STXBP5L: variants seen among roughly 807,000 people sequenced by gnomAD.
STXBP5L encodes the protein syntaxin binding protein 5L.
A neutral mutation model predicts 144.5 loss-of-function variants in STXBP5L; 65 were observed. The ratio of observed to expected loss-of-function variants is 0.45; its 90% confidence interval spans 0.37 to 0.55. The LOEUF (loss-of-function observed/expected upper bound fraction) is 0.55, where lower values mean the gene tolerates loss of function less well. STXBP5L is among the 20% of genes least tolerant of loss of function. STXBP5L has a pLI of 0.00. For synonymous variants in STXBP5L, 505 were observed against 469.6 expected (o/e 1.08, Z -0.97); for missense variants, 1,298 against 1,405.5 (o/e 0.92, Z 1.22).
chr3:121,416,494 T>C (rs1330600326), intron 25 of STXBP5L, among the ~76,000 whole-genome samples: 1 of 145,410 alleles, frequency 6.9e-6, no homozygotes, highest in African/African-American at 2.5e-5. Flanking sequence ...TTTATTTATT[T>C]ATTTATTTAT....
At chr3:120,971,835 T>A (rs1344813775) in intron 3 of STXBP5L, among the ~76,000 whole-genome samples, 1 of 151,692 alleles carries the variant, frequency 6.6e-6, no homozygotes, top group African/African-American at 2.4e-5. Context: ...AATACTGGTA[T>A]AATATACTAT....
At chr3:121,008,148 C>G (rs1329422989) in intron 3 of STXBP5L, among the ~76,000 whole-genome samples, 15 of 151,888 alleles carry the variant, frequency 9.9e-5, no homozygotes, top group Non-Finnish European at 1.8e-4. Flanking sequence ...TGTGCTTTCT[C>G]CATTTGCTTA....
intron 5 of STXBP5L, among the ~76,000 whole-genome samples, chr3:121,096,333 C>G (rs560670537): frequency 4.6e-5 from 7 of 152,112 alleles, no homozygotes; most frequent in African/African-American, 1.7e-4. Context: ...TTGTTGTTAC[C>G]CACTTTCTGA....
intron 3 of STXBP5L, among the ~76,000 whole-genome samples, chr3:121,030,518 G>C (rs916019263): frequency 2.6e-5 from 4 of 152,022 alleles, no homozygotes; most frequent in Non-Finnish European, 5.9e-5. Context: ...ATCACACACC[G>C]GGGCATGTTG....
At position 121,123,170 on chromosome 3, in the gene STXBP5L, G is replaced by C. The variant is rs538298948; in HGVS notation, c.669+1466G>C. The stretch of plus-strand genomic sequence containing the variant: ...TTTGTCAACATCATACCGACAAAAT[G>C]TTAAACACTAAAAATATTAATTTTA... On this transcript the variant is annotated intron_variant, in intron 7 of 26. Transcript: ENST00000471454. Among the ~76,000 whole-genome samples, 108 of 151,602 alleles carry C rather than the reference G, an allele frequency of 7.1e-4. No homozygotes were observed. The Middle Eastern group carries it at 0.01, about 14-fold the overall frequency.
intron 3 of STXBP5L, among the ~76,000 whole-genome samples, chr3:120,974,314 G>T (rs1194082273): frequency 6.6e-6 from 1 of 152,062 alleles, no homozygotes. Context: ...ACTTTTTCAT[G>T]TGTCTTTTGG....
At chr3:120,918,648 A>T (rs532070531) in intron 2 of STXBP5L, among the ~76,000 whole-genome samples, 4 of 152,294 alleles carry the variant, frequency 2.6e-5, no homozygotes, top group South Asian at 4.1e-4. Context: ...AAGAAAATTA[A>T]CATTTCTTTA....
At chr3:121,068,893 T>C (rs891635627) in intron 5 of STXBP5L, among the ~76,000 whole-genome samples, 4 of 152,240 alleles carry the variant, frequency 2.6e-5, no homozygotes, top group African/African-American at 2.4e-5. Context: ...TTTCACTTTT[T>C]AAAATACTTT....
rs566922517 is a variant in STXBP5L at position 121,057,353 on chromosome 3, G to A, written c.470+11818G>A. Among the ~76,000 whole-genome samples, 37 of 151,636 alleles carry A rather than the reference G, an allele frequency of 2.4e-4. No homozygotes were observed. In the South Asian group the frequency reaches 7.5e-3, roughly 31 times the overall value. The stretch of plus-strand genomic sequence containing the variant: ...ACTTTCCCTATTTCTTTGTTTGTTT[G>A]TAAATTTTACTGAATCATCAGGAAA... On this transcript the variant is annotated intron_variant, in intron 5 of 26. Transcript: ENST00000471454.
chr3:121,151,452 G>T (rs2045928714), intron 7 of STXBP5L, among the ~76,000 whole-genome samples: 1 of 152,044 alleles, frequency 6.6e-6, no homozygotes. Flanking sequence ...CTACTAGCTG[G>T]TTTACTTTTG....
intron 5 of STXBP5L, among the ~76,000 whole-genome samples, chr3:121,057,704 A>G: frequency 6.6e-6 from 1 of 152,018 alleles, no homozygotes; most frequent in East Asian, 1.9e-4. Flanking sequence ...ATATTCTGCA[A>G]TTTGATTAAC....
intron 3 of STXBP5L, among the ~76,000 whole-genome samples, chr3:121,010,189 C>T (rs1187252452): frequency 1.3e-5 from 2 of 151,680 alleles, no homozygotes; most frequent in Non-Finnish European, 2.9e-5. Context: ...TTAAGAGATT[C>T]GAGTCTTCCC....
At chr3:120,927,520 AC>A (rs1351793148) in intron 2 of STXBP5L, among the ~76,000 whole-genome samples, 3 of 152,270 alleles carry the variant, frequency 2.0e-5, no homozygotes, top group South Asian at 4.1e-4. Context: ...CTGTTAGGGA[AC>A]CCAAAATATG....
chr3:121,029,308 G>C (rs919930894), intron 3 of STXBP5L, among the ~76,000 whole-genome samples: 4 of 152,098 alleles, frequency 2.6e-5, no homozygotes, highest in African/African-American at 7.2e-5. Context: ...AACCAAAACA[G>C]CATGGTACTG....
At chr3:121,367,790 C>CTTTTTTTTTTTTTTT (rs200992044) in intron 20 of STXBP5L, among the ~76,000 whole-genome samples, 4 of 106,304 alleles carry the variant, frequency 3.8e-5, no homozygotes, top group African/African-American at 7.6e-5. Context: ...TTTGCTTTTC[C>CTTTTTTTTTTTTTTT]TTTTTTTTTT....
At chr3:121,328,792 C>T (rs2044232269) in intron 20 of STXBP5L, among the ~76,000 whole-genome samples, 1 of 151,822 alleles carries the variant, frequency 6.6e-6, no homozygotes, top group Non-Finnish European at 1.5e-5. Context: ...TTCATAAATG[C>T]TAGGAAACCT....
At chr3:121,082,347 A>G (rs1372708741) in intron 5 of STXBP5L, among the ~76,000 whole-genome samples, 3 of 151,598 alleles carry the variant, frequency 2.0e-5, no homozygotes, top group Non-Finnish European at 2.9e-5. Flanking sequence ...ATCTATACCT[A>G]TGTATTTTTT....
At chr3:121,033,710 A>G (rs954589979) in intron 3 of STXBP5L, among the ~76,000 whole-genome samples, 2 of 151,952 alleles carry the variant, frequency 1.3e-5, no homozygotes, top group African/African-American at 2.4e-5. Context: ...ATTAACTGCT[A>G]TATATTCTTA....
At chr3:120,973,092 G>A (rs1940468019) in intron 3 of STXBP5L, among the ~76,000 whole-genome samples, 1 of 152,010 alleles carries the variant, frequency 6.6e-6, no homozygotes, top group Admixed American at 6.6e-5. Context: ...TTCCTAGAAT[G>A]AGTTATGTAG....
Sources: allele counts gnomAD v4.1 joint callset (sites outside exome capture counted in the v4.1 genomes callset), GRCh38; gene constraint gnomAD v4.1.1; transcripts MANE v1.5; gene names NCBI Gene and HGNC (gene_info 2026-07-23, HGNC 2026-07-21).